Variants in ACP1 observed in about 807,000 individuals in gnomAD.
ACP1 encodes the protein acid phosphatase 1.
ACP1 carries 23 observed loss-of-function variants against 23.4 expected under a neutral mutation model. The ratio of observed to expected loss-of-function variants is 0.98; its 90% CI spans 0.71 to 1.39. The LOEUF (loss-of-function observed/expected upper bound fraction) is 1.39, where lower values mean the gene tolerates loss of function less well. Ranked by LOEUF, ACP1 falls within the 40% of genes most tolerant of loss-of-function variation. ACP1 has a pLI of 0.00. For synonymous variants in ACP1, 72 were observed against 67.2 expected (o/e 1.07, Z -0.35); for missense variants, 180 against 197.7 (o/e 0.91, Z 0.54).
chr2:267,173 G>A (rs1669914010), intron 1 of ACP1, among the ~76,000 whole-genome samples: 2 of 152,160 alleles, frequency 1.3e-5, no homozygotes, highest in Non-Finnish European at 2.9e-5. Flanking sequence ...GGGTAACCAT[G>A]GAAAGCAAAA....
rs549453088 is a variant in ACP1, at chr2:268,795, TGAA to T, written c.44-3069_44-3067del. Among the ~76,000 whole-genome samples, 18 of 152,362 alleles carry T rather than the reference TGAA, an allele frequency of 1.2e-4. 1 individual carries two copies. The South Asian group carries it at 3.5e-3, about 30-fold the overall frequency. On this transcript the variant is annotated intron_variant, in intron 1 of 5. Coordinates refer to ENST00000272065, the MANE Select transcript of ACP1 (RefSeq NM_004300.4). ...TAGAACTTGTTTGATAGGCGAAACC[TGAA>T]GTACATGCAGTGTTTCACTGATGAC...
At chr2:269,281 T>C (rs748323986) in intron 1 of ACP1, 14 of 470,294 alleles carry the variant, frequency 3.0e-5, no homozygotes, top group Non-Finnish European at 5.7e-5. Flanking sequence ...ATTTGTTGTC[T>C]TTCCCTTTAT....
At chr2:272,625 C>A in intron 3 of ACP1, 2 of 566,614 alleles carry the variant, frequency 3.5e-6, no homozygotes, top group Non-Finnish European at 5.6e-6. Context: ...TAGTAATCAT[C>A]CTGCTGATAT....
intron 3 of ACP1, among the ~76,000 whole-genome samples, chr2:273,555 G>C (rs1324438734): frequency 6.6e-6 from 1 of 152,210 alleles, no homozygotes; most frequent in African/African-American, 2.4e-5. Context: ...TGCTAGAGCA[G>C]CACAGCCAGA....
intron 1 of ACP1, among the ~76,000 whole-genome samples, chr2:267,215 T>C (rs1669915108): frequency 1.3e-5 from 2 of 152,214 alleles, no homozygotes; most frequent in African/African-American, 4.8e-5. Flanking sequence ...TGTATTTCAA[T>C]ACAATTCAGT....
chr2:265,035 C>T, intron 1 of ACP1, 28 bp downstream of exon 1: 1 of 1,610,676 alleles, frequency 6.2e-7, no homozygotes, highest in Non-Finnish European at 8.5e-7. Flanking sequence ...TACTCATGTT[C>T]TGACGTCCTC....
chr2:276,221 G>A (rs1670167835), intron 4 of ACP1, among the ~76,000 whole-genome samples: 1 of 152,148 alleles, frequency 6.6e-6, no homozygotes, highest in African/African-American at 2.4e-5. Context: ...TCGTGGGTCA[G>A]CTTAAATTCA....
intron 4 of ACP1, among the ~76,000 whole-genome samples, chr2:275,997 T>G (rs1266748091): frequency 6.6e-6 from 1 of 152,216 alleles, no homozygotes; most frequent in Admixed American, 6.5e-5. Context: ...TTTTCAGTCC[T>G]TATTCTGTTC....
intron 1 of ACP1, 49 bp downstream of exon 1, chr2:265,056 G>T (rs1553298770): frequency 6.2e-7 from 1 of 1,605,826 alleles, no homozygotes; most frequent in Non-Finnish European, 8.5e-7. Flanking sequence ...TGGAGAGTTG[G>T]ATCGGGCTTG....
At chr2:276,754 G>C (rs1017366913) in intron 4 of ACP1, among the ~76,000 whole-genome samples, 4 of 152,176 alleles carry the variant, frequency 2.6e-5, no homozygotes, top group Non-Finnish European at 4.4e-5. Flanking sequence ...TTGTGTAACA[G>C]AATCAGTGAG....
intron 3 of ACP1, chr2:272,510 A>G (rs1173936898): frequency 7.0e-7 from 1 of 1,419,450 alleles, no homozygotes; most frequent in Non-Finnish European, 9.2e-7. Flanking sequence ...AAATGCACAT[A>G]AAAGCTAGGT....
At position 277,350 on chromosome 2, in the gene ACP1, T is replaced by C. The variant is rs201887597; in HGVS notation, c.*46T>C. The C allele has an allele frequency of 4.5e-6, 7 of 1,546,456 alleles. No homozygotes were observed. The Admixed American group carries it at 1.2e-4, about 26-fold the overall frequency. ...CGGCCAGCCTGACTAGACCCCACCCTGAGGTCCTGCATTTCTCAGTCGGTG... is the reference window on the plus strand; with the variant it reads ...CGGCCAGCCTGACTAGACCCCACCCCGAGGTCCTGCATTTCTCAGTCGGTG... On this transcript the variant is annotated 3_prime_UTR_variant, in exon 6 of 6. Transcript: ENST00000272065.
rs1670215275 is a variant in ACP1, at chr2:277,723, G to T, written c.*419G>T. ...GAGGGCAGGTGCCCTCTGCTCCCCA[G>T]TGCTACCTCTCTCTTCCCTAGGGCC... On this transcript the variant is annotated 3_prime_UTR_variant, in exon 6 of 6. Transcript: ENST00000272065. The T allele has an allele frequency of 4.6e-6, 1 of 216,992 alleles. No individual in the cohort carries two copies. The highest frequency in any genetic ancestry group is 9.4e-6 in the Non-Finnish European group (1 of 106,556). The allele number at this position is 216,992 out of a possible 1,614,324, so 13.4% of individuals were successfully genotyped here. A position where few individuals can be genotyped will look rare whatever the true frequency, so the allele number is the denominator to read the frequency against.
At chr2:266,071 T>C (rs544618740) in intron 1 of ACP1, among the ~76,000 whole-genome samples, 3 of 152,350 alleles carry the variant, frequency 2.0e-5, no homozygotes, top group Admixed American at 2.0e-4. Context: ...TAGTAAAAGA[T>C]GTAATACAGA....
At chr2:272,436 A>G in intron 3 of ACP1, 1 of 1,449,538 alleles carries the variant, frequency 6.9e-7, no homozygotes, top group Non-Finnish European at 9.1e-7. Flanking sequence ...TGGTGTGTCC[A>G]TTTTGTTTCA....
chr2:277,124 C>T, intron 5 of ACP1, 39 bp downstream of exon 5: 1 of 1,566,430 alleles, frequency 6.4e-7, no homozygotes, highest in Non-Finnish European at 8.8e-7. Flanking sequence ...TATGAAGACC[C>T]AACACATTTG....
chr2:273,665 G>C (rs1050016423), intron 3 of ACP1, among the ~76,000 whole-genome samples: 9 of 152,170 alleles, frequency 5.9e-5, no homozygotes, highest in African/African-American at 2.2e-4. Flanking sequence ...GCCACAAGCT[G>C]TTTCATTTAT....
rs755489842 is a variant in ACP1, at chr2:276,199, C to T, written c.294-781C>T. 3.9e-5 allele frequency among the ~76,000 whole-genome samples: 6 copies of T among 152,246 alleles called. No individual in the cohort carries two copies. In the East Asian group the frequency reaches 1.2e-3, roughly 29 times the overall value. ...TCCTTGCTTCTTGGGTCATTCGGCTCCTATTTGCCCCTCGTGGGTCAGCTT... is the reference window on the plus strand; with the variant it reads ...TCCTTGCTTCTTGGGTCATTCGGCTTCTATTTGCCCCTCGTGGGTCAGCTT... On this transcript the variant is annotated intron_variant, in intron 4 of 5. Coordinates refer to ENST00000272065, the MANE Select transcript of ACP1 (RefSeq NM_004300.4).
intron 3 of ACP1, chr2:272,659 G>T (rs1476829112): frequency 4.9e-6 from 2 of 404,698 alleles, no homozygotes; most frequent in Non-Finnish European, 8.4e-6. Context: ...CTAGAATGAG[G>T]TTATATAATA....
Sources: gnomAD v4.1 joint callset for allele counts (sites outside exome capture counted in the v4.1 genomes callset) on GRCh38, gnomAD v4.1.1 for gene constraint, MANE v1.5 for transcripts, NCBI Gene and HGNC (gene_info 2026-07-23, HGNC 2026-07-21) for gene names.